Variants in CAPRIN1 observed in about 807,000 individuals in gnomAD.
CAPRIN1 encodes the protein caprin-1.
CAPRIN1 carries 29 observed loss-of-function variants against 100.9 expected under a neutral mutation model. The ratio of observed to expected loss-of-function variants is 0.29; its 90% CI spans 0.21 to 0.39. The LOEUF is 0.39. Ranked by LOEUF, CAPRIN1 falls within the 10% of genes least tolerant of loss-of-function variation. CAPRIN1 has a pLI of 1.00. For synonymous variants in CAPRIN1, 338 were observed against 307.5 expected (o/e 1.10, Z -1.04); for missense variants, 795 against 876.7 (o/e 0.91, Z 1.18).
chr11:34,097,703 A>G lies in CAPRIN1; in HGVS notation c.2007A>G (p.Gly669=), dbSNP rs754045122. Reference sequence around the variant, plus strand: ...CTAACTAGCTTGTCTTTTAGGATGGATATCAGCAGAATTTCAAGCGAGGCT... The same window carrying G: ...CTAACTAGCTTGTCTTTTAGGATGGGTATCAGCAGAATTTCAAGCGAGGCT... The part of the protein sequence containing the change: ...PRDYSGYQRD[G]YQQNFKRGSG... Residue 669 remains glycine (G), a synonymous_variant, in exon 18 of 19, where the codon GGA becomes GGG. Transcript: ENST00000341394. The G allele has an allele frequency of 9.3e-6, 15 of 1,613,992 alleles. No homozygotes were observed. The highest frequency in any genetic ancestry group is 1.2e-5 in the Non-Finnish European group (14 of 1,179,978).
chr11:34,085,942 C>T (rs16925147), intron 9 of CAPRIN1, 122 bp from the exon 10 acceptor site: 62,179 of 700,056 alleles, frequency 0.089, 3,196 homozygotes, highest in African/African-American at 0.15. Flanking sequence ...TGGGTAACTG[C>T]ATTAAAGCCC....
At chr11:34,088,716 C>T (rs1277280807) in intron 11 of CAPRIN1, among the ~76,000 whole-genome samples, 1 of 151,974 alleles carries the variant, frequency 6.6e-6, no homozygotes, top group Non-Finnish European at 1.5e-5. Flanking sequence ...TGTCTGAGGT[C>T]TAGAGTATGA....
intron 2 of CAPRIN1, among the ~76,000 whole-genome samples, chr11:34,067,656 G>A (rs1850725668): frequency 1.3e-5 from 2 of 151,868 alleles, no homozygotes; most frequent in African/African-American, 2.4e-5. Flanking sequence ...AAATTTCCAC[G>A]CCTCGGTAAT....
At chr11:34,098,203 G>C in intron 18 of CAPRIN1, 1 of 994,280 alleles carries the variant, frequency 1.0e-6, no homozygotes, top group Non-Finnish European at 1.2e-6. Flanking sequence ...GGCCGGATAA[G>C]CCATAGTTAA....
chr11:34,091,738 C>G, intron 14 of CAPRIN1, 168 bp from the exon 15 acceptor site: 1 of 601,796 alleles, frequency 1.7e-6, no homozygotes, highest in South Asian at 2.1e-5. Flanking sequence ...TGTCTTTTTC[C>G]ACATTGAATC....
At chr11:34,086,042 A>G (rs941519208) in intron 9 of CAPRIN1, 22 bp from the exon 10 acceptor site, 48 of 1,611,028 alleles carry the variant, frequency 3.0e-5, no homozygotes, top group Non-Finnish European at 3.7e-5. Flanking sequence ...TATTCCTTCT[A>G]ATCCTTTTTT....
chr11:34,097,581 T>C, intron 17 of CAPRIN1, 117 bp from the exon 18 acceptor site: 1 of 1,084,928 alleles, frequency 9.2e-7, no homozygotes, highest in South Asian at 1.4e-5. Context: ...GATAAACTGA[T>C]ACTGAAGTGT....
intron 1 of CAPRIN1, 178 bp from the exon 2 acceptor site, chr11:34,052,243 T>TCGCGCGCGCGCGCCCCGCTGGCGGGTCG (rs139830067): frequency 1.8e-5 from 5 of 279,140 alleles, no homozygotes; most frequent in Non-Finnish European, 3.2e-5. Flanking sequence ...CGCTGGCGGG[T>TCGCGCGCGCGCGCCCCGCTGGCGGGTCG]CGCGCGCGCG....
intron 4 of CAPRIN1, among the ~76,000 whole-genome samples, chr11:34,073,764 A>G (rs1850850421): frequency 6.6e-6 from 1 of 152,192 alleles, no homozygotes. Context: ...ACATCTGATC[A>G]GGGAAGGAAA....
chr11:34,063,704 TCAG>T (rs1172688463), intron 2 of CAPRIN1, among the ~76,000 whole-genome samples: 1 of 152,192 alleles, frequency 6.6e-6, no homozygotes, highest in Non-Finnish European at 1.5e-5. Flanking sequence ...CTTAGGATAC[TCAG>T]CTGAAAAGGA....
Position 34,098,794 on chromosome 11 carries a change from T to G in CAPRIN1, c.2066-509T>G. ...ACAGCATGTAAAAAGTTATTTTATC[T>G]GTTAAAAGTCATTATACAGTTTTGA... On this transcript the variant is annotated intron_variant, in intron 18 of 18. Coordinates refer to ENST00000341394, the MANE Select transcript of CAPRIN1 (RefSeq NM_005898.5). 3.0e-6 allele frequency: 3 copies of G among 984,674 alleles called. No homozygotes were observed. In the South Asian group the frequency reaches 1.4e-4, roughly 46 times the overall value. 61.0% of individuals were successfully genotyped at this position (984,674 alleles called of 1,614,324 possible).
At chr11:34,086,796 G>T (rs7483997) in intron 11 of CAPRIN1, among the ~76,000 whole-genome samples, 10 of 152,112 alleles carry the variant, frequency 6.6e-5, no homozygotes, top group African/African-American at 2.4e-4. Flanking sequence ...ACTTGTAACT[G>T]TAATAGACCA....
chr11:34,066,611 C>A (rs1461948276), intron 2 of CAPRIN1, among the ~76,000 whole-genome samples: 2 of 148,904 alleles, frequency 1.3e-5, no homozygotes, highest in African/African-American at 5.0e-5. Context: ...GAATTACAGG[C>A]GTGAGCCACT....
chr11:34,073,402 C>T (rs773785382), intron 4 of CAPRIN1, among the ~76,000 whole-genome samples: 4 of 152,162 alleles, frequency 2.6e-5, no homozygotes, highest in Non-Finnish European at 5.9e-5. Flanking sequence ...TACGGTTGTG[C>T]TTAGAACAGT....
chr11:34,052,717 G>T lies in CAPRIN1; in HGVS notation c.216+81G>T, dbSNP rs112762776. ...TCCGACCCTGGTCGCTGGAGCCTTC[G>T]CTTCTTTTCGTCTCGGGAGCGTTAC... On this transcript the variant is annotated intron_variant, in intron 2 of 18. Coordinates refer to ENST00000341394, the MANE Select transcript of CAPRIN1 (RefSeq NM_005898.5). 5,256 of 1,469,078 alleles carry T rather than the reference G, an allele frequency of 3.6e-3. 168 individuals carry two copies. The African/African-American group carries it at 0.068, about 19-fold the overall frequency. 91.0% of individuals were successfully genotyped at this position (1,469,078 alleles called of 1,614,324 possible).
At chr11:34,092,639 C>T (rs1418252260) in intron 15 of CAPRIN1, among the ~76,000 whole-genome samples, 1 of 152,134 alleles carries the variant, frequency 6.6e-6, no homozygotes, top group East Asian at 1.9e-4. Context: ...GAATTAAAGG[C>T]GTGAGCCATT....
intron 11 of CAPRIN1, among the ~76,000 whole-genome samples, chr11:34,088,386 T>G (rs1431071150): frequency 1.3e-5 from 2 of 152,078 alleles, no homozygotes; most frequent in African/African-American, 4.8e-5. Flanking sequence ...TTGAGCCGGG[T>G]ATGGTAGCTC....
rs910962441 is a variant in CAPRIN1 at position 34,102,034 on chromosome 11, T to C, written c.*2667T>C. ...AGATCCTAATAATTCCTAAAAAATA[T>C]GGAAAAGTTTTTTTTCAATCATTGT... is the stretch of plus-strand genomic sequence containing the variant. On this transcript the variant is annotated 3_prime_UTR_variant, in exon 19 of 19. Transcript: ENST00000341394. Among the ~76,000 whole-genome samples, 3 of 152,310 alleles carry C rather than the reference T, an allele frequency of 2.0e-5. No homozygotes were observed. Among genetic ancestry groups the C allele is most frequent in the South Asian group, 2.1e-4 (1 of 4,820 alleles).
chr11:34,052,552 C>T lies in CAPRIN1; in HGVS notation c.132C>T (p.Thr44=), dbSNP rs763417224. 6.2e-7 allele frequency: 1 copy of T among 1,609,356 alleles called. No homozygotes were observed. The highest frequency in any genetic ancestry group is 8.5e-7 in the Non-Finnish European group (1 of 1,178,540). The change falls in exon 2 of 19, where the codon ACC becomes ACT. Residue 44 remains threonine (T), a synonymous_variant. Transcript: ENST00000341394. The part of the protein sequence containing the change: ...AAAPASQHPA[T]GTGAVQTEAM... ...CGCCGGCTTCTCAGCACCCCGCAAC[C>T]GGCACCGGCGCTGTCCAGACCGAGG... is the stretch of plus-strand genomic sequence containing the variant.
Sources: gnomAD v4.1 joint callset for allele counts (sites outside exome capture counted in the v4.1 genomes callset) on GRCh38, gnomAD v4.1.1 for gene constraint, MANE v1.5 for transcripts, NCBI Gene and HGNC (gene_info 2026-07-23, HGNC 2026-07-21) for gene names.